Variants in NADK2 observed in about 807,000 individuals in gnomAD.
The protein encoded by NADK2 is NAD kinase 2, mitochondrial.
Under a neutral mutation model 62.1 loss-of-function variants are expected in NADK2, and 35 were observed. The observed-to-expected ratio is 0.56, with a 90% CI of 0.43 to 0.75. The LOEUF (loss-of-function observed/expected upper bound fraction) is 0.75, where lower values mean the gene tolerates loss of function less well. NADK2 is among the 30% of genes least tolerant of loss of function. The pLI is 0.00. For missense variants in NADK2, 439 were observed against 561.3 expected, an observed-to-expected ratio of 0.78 and a Z score of 2.20; for synonymous variants, 205 against 207.9, an observed-to-expected ratio of 0.99 and a Z score of 0.12.
At chr5:36,210,101 A>T (rs1746784416) in intron 7 of NADK2, among the ~76,000 whole-genome samples, 2 of 152,186 alleles carry the variant, frequency 1.3e-5, no homozygotes, top group African/African-American at 2.4e-5. Flanking sequence ...TAAACTAGGG[A>T]TCCAACAACA....
At chr5:36,222,274 G>A (rs1747301340) in intron 4 of NADK2, among the ~76,000 whole-genome samples, 1 of 152,090 alleles carries the variant, frequency 6.6e-6, no homozygotes, top group South Asian at 2.1e-4. Flanking sequence ...GGGGGACATA[G>A]GCCTTCTGGA....
rs1746178000 is a variant in NADK2 at position 36,195,077 on chromosome 5, A to T, written c.*67T>A. ...AATAACCAAAAAATGTCACTTTACG[A>T]CTGGTAGTCTGTTTCTGAAGTAAAA... is the stretch of plus-strand genomic sequence containing the variant. On this transcript the variant is annotated 3_prime_UTR_variant, in exon 12 of 12. Transcript: ENST00000381937. 1 of 1,531,576 alleles carries T rather than the reference A, an allele frequency of 6.5e-7. No homozygotes were observed. Among genetic ancestry groups the T allele is most frequent in the Non-Finnish European group, 8.8e-7 (1 of 1,138,516 alleles). The allele number at this position is 1,531,576 out of a possible 1,614,324, so 94.9% of individuals were successfully genotyped here.
rs1324769754 is a variant in NADK2, at chr5:36,195,021, A to G, written c.*123T>C. 4.2e-6 allele frequency: 4 copies of G among 958,854 alleles called. No homozygotes were observed. In the East Asian group the frequency reaches 8.1e-5, roughly 20 times the overall value. The allele number at this position is 958,854 out of a possible 1,614,324, so 59.4% of individuals were successfully genotyped here. A position where few individuals can be genotyped will look rare whatever the true frequency, so the allele number is the denominator to read the frequency against. On this transcript the variant is annotated 3_prime_UTR_variant, in exon 12 of 12. Coordinates refer to ENST00000381937, the MANE Select transcript of NADK2 (RefSeq NM_001085411.3). ...CCAACAGAAGAATAATGCAAATCTCACTTCTGAGCCCACGGGCAAGCAGTC... is the reference window on the plus strand; with the variant it reads ...CCAACAGAAGAATAATGCAAATCTCGCTTCTGAGCCCACGGGCAAGCAGTC...
chr5:36,232,633 C>CT (rs1454423320), intron 1 of NADK2, among the ~76,000 whole-genome samples: 1 of 152,180 alleles, frequency 6.6e-6, no homozygotes, highest in Non-Finnish European at 1.5e-5. Context: ...CTCTATTCCA[C>CT]TTACTTTCTC....
At chr5:36,236,473 C>A (rs1052417102) in intron 1 of NADK2, among the ~76,000 whole-genome samples, 5 of 152,120 alleles carry the variant, frequency 3.3e-5, no homozygotes, top group African/African-American at 7.2e-5. Flanking sequence ...ACATTTAACC[C>A]GAAACCTCTA....
intron 10 of NADK2, among the ~76,000 whole-genome samples, chr5:36,198,035 CA>C (rs1746297688): frequency 6.6e-6 from 1 of 151,970 alleles, no homozygotes; most frequent in Admixed American, 6.6e-5. Context: ...AAGTTCTTTC[CA>C]AAATACCATG....
intron 4 of NADK2, chr5:36,221,568 A>G (rs542536550): frequency 2.0e-5 from 3 of 152,332 alleles, no homozygotes; most frequent in Non-Finnish European, 4.4e-5. Context: ...TAAGATAAAG[A>G]AATCAGACAA....
chr5:36,218,458 A>G (rs1747132298), intron 5 of NADK2, among the ~76,000 whole-genome samples: 1 of 152,246 alleles, frequency 6.6e-6, no homozygotes, highest in African/African-American at 2.4e-5. Context: ...TCGAAAGTCA[A>G]TGGGACAGAT....
intron 1 of NADK2, among the ~76,000 whole-genome samples, chr5:36,232,393 T>C (rs1747741643): frequency 6.6e-6 from 1 of 152,172 alleles, no homozygotes; most frequent in Non-Finnish European, 1.5e-5. Context: ...GCACAAACTT[T>C]TGAGACAATG....
intron 1 of NADK2, among the ~76,000 whole-genome samples, chr5:36,229,001 T>C (rs1579633076): frequency 1.3e-5 from 2 of 152,256 alleles, no homozygotes; most frequent in African/African-American, 4.8e-5. Flanking sequence ...TTAGACAGCA[T>C]TTTAATACAT....
At position 36,211,826 on chromosome 5, in the gene NADK2, T is replaced by A. The variant is rs747208798; in HGVS notation, c.860+18A>T. 1 of 1,595,048 alleles carries A rather than the reference T, an allele frequency of 6.3e-7. No homozygotes were observed. The highest frequency in any genetic ancestry group is 8.6e-7 in the Non-Finnish European group (1 of 1,165,650). On this transcript the variant is annotated intron_variant, in intron 7 of 11. Transcript: ENST00000381937. ...AAAACATTAAATTCCATGCTCAAGA[T>A]CACAGGTTTAAAAGTACCTGGATGA...
intron 10 of NADK2, among the ~76,000 whole-genome samples, chr5:36,198,204 G>A (rs1326403722): frequency 1.3e-5 from 2 of 151,966 alleles, no homozygotes; most frequent in African/African-American, 4.8e-5. Flanking sequence ...AGAGGTACAG[G>A]AGGGCTGGAA....
chr5:36,241,598 G>A lies in NADK2; in HGVS notation c.201C>T (p.Arg67=), dbSNP rs752734212. Residue 67 remains arginine, a synonymous_variant, in exon 1 of 12, where the codon CGC becomes CGT. Transcript: ENST00000381937. This position sits in a 1 kb window ranked among gnomAD's most constrained non-coding sequence, Gnocchi z 4.9. ...GCGSRADGGF[R]PSRVVVVAKT... ...TGGCCACCACCACCACCCGGGAGGG[G>A]CGGAAGCCGCCGTCCGCGCGGCTGC... The A allele has an allele frequency of 2.1e-5, 32 of 1,514,478 alleles. No homozygotes were observed. In the South Asian group the frequency reaches 3.0e-4, roughly 14 times the overall value. 93.8% of individuals were successfully genotyped at this position (1,514,478 alleles called of 1,614,324 possible).
Position 36,241,904 on chromosome 5 carries a change from C to T in NADK2, c.-106G>A, listed in dbSNP as rs1748154745. On this transcript the variant is annotated 5_prime_UTR_variant, in exon 1 of 12. Transcript: ENST00000381937. This position sits in a 1 kb window ranked among gnomAD's most constrained non-coding sequence, Gnocchi z 4.9. ...GCCGCCCGGGCCTCTAACTTCGCGC[C>T]GGACGGGCAGAGGTTAAGTGCCAGG... 1 of 957,740 alleles carries T rather than the reference C, an allele frequency of 1.0e-6. No individual in the cohort carries two copies. Among genetic ancestry groups the T allele is most frequent in the Non-Finnish European group, 1.3e-6 (1 of 785,794 alleles). 59.3% of individuals were successfully genotyped at this position (957,740 alleles called of 1,614,324 possible). A position where few individuals can be genotyped will look rare whatever the true frequency, so the allele number is the denominator to read the frequency against.
chr5:36,240,656 A>G (rs1231329108), intron 1 of NADK2, among the ~76,000 whole-genome samples: 1 of 152,212 alleles, frequency 6.6e-6, no homozygotes, highest in East Asian at 1.9e-4. Context: ...GGGGGATGAC[A>G]ACAGGAAGAT....
intron 7 of NADK2, chr5:36,208,532 G>A (rs74795677): frequency 2.3e-6 from 2 of 879,020 alleles, no homozygotes; most frequent in Non-Finnish European, 3.5e-6. Flanking sequence ...CAAATTTAGT[G>A]TCATTCTCAC....
At chr5:36,201,493 G>C (rs1285144854) in intron 8 of NADK2, among the ~76,000 whole-genome samples, 1 of 151,858 alleles carries the variant, frequency 6.6e-6, no homozygotes, top group Non-Finnish European at 1.5e-5. Flanking sequence ...CTGAAATGCT[G>C]TTTATAACAG....
intron 1 of NADK2, among the ~76,000 whole-genome samples, chr5:36,231,763 T>A (rs1251040182): frequency 6.6e-6 from 1 of 152,180 alleles, no homozygotes; most frequent in East Asian, 1.9e-4. Flanking sequence ...ACTCCTTTAA[T>A]CAGACAAAAA....
At chr5:36,206,340 G>A (rs1000514663) in intron 8 of NADK2, among the ~76,000 whole-genome samples, 2 of 150,250 alleles carry the variant, frequency 1.3e-5, no homozygotes, top group African/African-American at 4.9e-5. Flanking sequence ...TTACTCTGTT[G>A]TAGTGCAGAT....
Sources: gnomAD v4.1 joint callset for allele counts (sites outside exome capture counted in the v4.1 genomes callset) on GRCh38, gnomAD v4.1.1 for gene constraint, Gnocchi (gnomAD v3.1) non-coding constraint, MANE v1.5 for transcripts, NCBI Gene and HGNC (gene_info 2026-07-23, HGNC 2026-07-21) for gene names.